The following IL1R1 variants were observed in gnomAD, a reference collection of about 807,000 sequenced individuals.
IL1R1 encodes interleukin-1 receptor type 1.
A neutral mutation model predicts 50.2 loss-of-function variants in IL1R1; 22 were observed. The ratio of observed to expected loss-of-function variants is 0.44; its 90% CI spans 0.31 to 0.63. The LOEUF (loss-of-function observed/expected upper bound fraction) is 0.63. Ranked by LOEUF, IL1R1 falls within the 20% of genes least tolerant of loss-of-function variation. The pLI is 0.07. For synonymous variants in IL1R1, 251 were observed against 236.7 expected (o/e 1.06, Z -0.55); for missense variants, 509 against 676.2 (o/e 0.75, Z 2.74).
At chr2:102,175,443 C>T (rs1204664019) in intron 10 of IL1R1, 35 bp from the exon 11 acceptor site, 4 of 1,541,842 alleles carry the variant, frequency 2.6e-6, no homozygotes, top group South Asian at 2.3e-5. Flanking sequence ...TTATTTTTGC[C>T]TTGTGGTTCT....
chr2:102,090,789 A>G (rs1267913076), intron 1 of IL1R1, among the ~76,000 whole-genome samples: 1 of 152,204 alleles, frequency 6.6e-6, no homozygotes, highest in Middle Eastern at 3.4e-3. Context: ...TCTTGATTAC[A>G]TGTGAGCTGC....
In IL1R1 at chr2:102,122,539, A is replaced by G. The variant is rs551535069; in HGVS notation, c.-84+17667A>G. On this transcript the variant is annotated intron_variant, in intron 1 of 10. Transcript: ENST00000409329. ...TAACAGGCGTGAGTGAGGGGCGCTC[A>G]GTTATGAGTTGGTGATTTTAAGTAT... 1.7e-4 allele frequency among the ~76,000 whole-genome samples: 26 copies of G among 152,350 alleles called. No individual in the cohort carries two copies. In the South Asian group the frequency reaches 5.2e-3, roughly 30 times the overall value.
intron 1 of IL1R1, among the ~76,000 whole-genome samples, chr2:102,083,755 C>A (rs1679319230): frequency 6.6e-6 from 1 of 152,070 alleles, no homozygotes; most frequent in Non-Finnish European, 1.5e-5. Context: ...ACCAGCCTGA[C>A]CAATATGGTG....
rs568625066 is a variant in IL1R1, at chr2:102,166,635, T to A, written c.655+354T>A. Reference sequence around the variant, plus strand: ...AGAGCCTGCACCTGGGGAATCTCAGTGAGTGTCAGTGTCTAGCAGCAAGCA... The same window carrying A: ...AGAGCCTGCACCTGGGGAATCTCAGAGAGTGTCAGTGTCTAGCAGCAAGCA... On this transcript the variant is annotated intron_variant, in intron 6 of 11. Transcript: ENST00000410023. Among the ~76,000 whole-genome samples, 4 of 152,250 alleles carry A rather than the reference T, an allele frequency of 2.6e-5. No individual in the cohort carries two copies. The South Asian group carries it at 8.3e-4, about 32-fold the overall frequency.
intron 1 of IL1R1, among the ~76,000 whole-genome samples, chr2:102,080,046 A>T: frequency 6.6e-6 from 1 of 152,134 alleles, no homozygotes; most frequent in South Asian, 2.1e-4. Flanking sequence ...TGAAGAAAAA[A>T]TTTGCATCTC....
intron 1 of IL1R1, among the ~76,000 whole-genome samples, chr2:102,110,306 G>GGCA (rs951439745): frequency 1.3e-5 from 2 of 152,172 alleles, no homozygotes; most frequent in African/African-American, 4.8e-5. Context: ...TGCGACCAGT[G>GGCA]GCAGCCTGCC....
chr2:102,132,467 A>G (rs1325579976), intron 1 of IL1R1, among the ~76,000 whole-genome samples: 3 of 152,160 alleles, frequency 2.0e-5, no homozygotes, highest in African/African-American at 7.2e-5. Flanking sequence ...TTAGCACTAA[A>G]TACCTGTTTT....
At chr2:102,145,401 G>C (rs1559486082) in intron 1 of IL1R1, among the ~76,000 whole-genome samples, 1 of 152,150 alleles carries the variant, frequency 6.6e-6, no homozygotes, top group African/African-American at 2.4e-5. Flanking sequence ...GAGCATGTGG[G>C]AAGCCCTGGC....
chr2:102,086,108 T>C (rs1457167777), intron 1 of IL1R1, among the ~76,000 whole-genome samples: 3 of 152,198 alleles, frequency 2.0e-5, no homozygotes, highest in South Asian at 2.1e-4. Flanking sequence ...GCTAAACTTG[T>C]TTACTGATTT....
rs149371931 is a variant in IL1R1, at chr2:102,122,221, G to A, written c.-84+17349G>A. Among the ~76,000 whole-genome samples the A allele has an allele frequency of 2.1e-3, 317 of 152,252 alleles. 1 individual carries two copies. The highest frequency in any genetic ancestry group is 2.4e-3 in the Non-Finnish European group (166 of 68,024). On this transcript the variant is annotated intron_variant, in intron 1 of 10. Transcript: ENST00000409329. ...ACTGGTCAGTAAATAAGAATAGCTG[G>A]GCCCTTTGGCAGTTATAGATGTAAT...
Position 102,157,713 on chromosome 2 carries a change from C to T in IL1R1, c.-6-6C>T. ...TTGTCTTTCTTTCGTTCCTCCATTT[C>T]TCCAGAAGAATATGAAAGTGTTACT... On this transcript the variant is annotated splice_region_variant and splice_polypyrimidine_tract_variant and intron_variant, in intron 2 of 11. Transcript: ENST00000410023. 6.3e-7 allele frequency: 1 copy of T among 1,583,026 alleles called. No homozygotes were observed. Among genetic ancestry groups the T allele is most frequent in the Non-Finnish European group, 8.7e-7 (1 of 1,152,758 alleles).
intron 1 of IL1R1, among the ~76,000 whole-genome samples, chr2:102,111,814 C>G (rs1387769374): frequency 2.0e-5 from 3 of 152,108 alleles, no homozygotes; most frequent in Non-Finnish European, 4.4e-5. Context: ...GCAAGTAGGG[C>G]TTCTCTGACA....
chr2:102,089,834 CTT>C (rs36099195), intron 1 of IL1R1, among the ~76,000 whole-genome samples: 67 of 134,218 alleles, frequency 5.0e-4, no homozygotes, highest in Non-Finnish European at 6.3e-4. Context: ...TTTGGTTTAT[CTT>C]TTTTTTTTTT....
At chr2:102,104,710 T>C (rs998662215) in exon 1 of IL1R1, 1 of 152,192 alleles carries the variant, frequency 6.6e-6, no homozygotes, top group Non-Finnish European at 1.5e-5. Flanking sequence ...AATTAACAAC[T>C]CTAGCTAGGG....
At chr2:102,079,386 A>T (rs1390470257) in intron 1 of IL1R1, among the ~76,000 whole-genome samples, 1 of 152,170 alleles carries the variant, frequency 6.6e-6, no homozygotes, top group African/African-American at 2.4e-5. Context: ...AGACTACTAA[A>T]CAAGCTCAGT....
Position 102,166,133 on chromosome 2 carries a change from T to G in IL1R1, c.507T>G (p.Leu169=), listed in dbSNP as rs199527409. ...TCTAGGATTGCAAACCTCTACTTCT[T>G]GACAATATACACTTTAGTGGAGTCA... ...QWYKDCKPLL[L]DNIHFSGVKD... Residue 169 remains leucine, a synonymous_variant, in exon 6 of 12, where the codon CTT becomes CTG. Coordinates refer to ENST00000410023, the MANE Select transcript of IL1R1 (RefSeq NM_000877.4). 2 of 1,613,414 alleles carry G rather than the reference T, an allele frequency of 1.2e-6. No homozygotes were observed. The highest frequency in any genetic ancestry group is 1.7e-6 in the Non-Finnish European group (2 of 1,179,528).
intron 1 of IL1R1, among the ~76,000 whole-genome samples, chr2:102,074,460 G>A (rs1039509867): frequency 7.2e-5 from 11 of 152,316 alleles, no homozygotes; most frequent in African/African-American, 2.6e-4. Flanking sequence ...CTCCAGCCGG[G>A]TGGCCTATTC....
intron 1 of IL1R1, among the ~76,000 whole-genome samples, chr2:102,074,857 A>G (rs1045844842): frequency 1.3e-5 from 2 of 152,098 alleles, no homozygotes; most frequent in African/African-American, 4.8e-5. Flanking sequence ...TTTACTAAAC[A>G]TTTCTGCATT....
chr2:102,109,552 A>G (rs11679849), intron 1 of IL1R1, among the ~76,000 whole-genome samples: 42,481 of 152,036 alleles, frequency 0.28, 6,841 homozygotes, highest in African/African-American at 0.45. Flanking sequence ...CAAAGGTGCC[A>G]AGAGTCCAGT....
Sources: gnomAD v4.1 joint callset for allele counts (sites outside exome capture counted in the v4.1 genomes callset) on GRCh38, gnomAD v4.1.1 for gene constraint, MANE v1.5 for transcripts, NCBI Gene and HGNC (gene_info 2026-07-23, HGNC 2026-07-21) for gene names.